PCGF3: variants seen among roughly 807,000 people sequenced by gnomAD.
PCGF3 encodes polycomb group RING finger protein 3.
A neutral mutation model predicts 33.1 loss-of-function variants in PCGF3; 7 were observed. The observed-to-expected ratio is 0.21, with a 90% CI of 0.12 to 0.40. The LOEUF (loss-of-function observed/expected upper bound fraction) is 0.40, where lower values mean the gene tolerates loss of function less well. Ranked by LOEUF, PCGF3 falls within the 10% of genes least tolerant of loss-of-function variation. The pLI, the probability that PCGF3 is intolerant of heterozygous loss-of-function variation, is 1.00. For missense variants in PCGF3, 211 were observed against 313.3 expected (o/e 0.67, Z 2.46); for synonymous variants, 153 against 121.3 (o/e 1.26, Z -1.72).
chr4:720,064 A>C lies in PCGF3; in HGVS notation c.-189-10566A>C, dbSNP rs551697404. Among the ~76,000 whole-genome samples the C allele has an allele frequency of 9.2e-5, 14 of 152,322 alleles. No individual in the cohort carries two copies. Among genetic ancestry groups the C allele is most frequent in the Admixed American group, 3.9e-4 (6 of 15,310 alleles). On this transcript the variant is annotated intron_variant, in intron 1 of 10. Transcript: ENST00000362003. This position sits in a 1 kb window ranked among gnomAD's most constrained non-coding sequence, Gnocchi z 5.6. ...GAAAATAAATGAAAACAGGTTTTGC[A>C]GAGCCCGTTGGTGAAGGCAGGGGTG...
chr4:727,231 G>GTGTTTTTT (rs1276834611), intron 1 of PCGF3, among the ~76,000 whole-genome samples: 1 of 93,894 alleles, frequency 1.1e-5, no homozygotes, highest in Admixed American at 1.2e-4. Context: ...GTTAGCGAGC[G>GTGTTTTTT]TCTTTTTTTT....
At position 720,160 on chromosome 4, in the gene PCGF3, C is replaced by T. The variant is rs537360685; in HGVS notation, c.-189-10470C>T. ...TGGACGTGCTGTCGCCTCATGAGGACGCCGATGTGGCCCTGCTGCCGGAGT... is the reference window on the plus strand; with the variant it reads ...TGGACGTGCTGTCGCCTCATGAGGATGCCGATGTGGCCCTGCTGCCGGAGT... On this transcript the variant is annotated intron_variant, in intron 1 of 10. Coordinates refer to ENST00000362003, the Ensembl canonical transcript of PCGF3. This position sits in a 1 kb window ranked among gnomAD's most constrained non-coding sequence, Gnocchi z 5.6. Among the ~76,000 whole-genome samples, 3 of 152,282 alleles carry T rather than the reference C, an allele frequency of 2.0e-5. No homozygotes were observed. The highest frequency in any genetic ancestry group is 2.9e-5 in the Non-Finnish European group (2 of 68,024).
At chr4:741,963 A>G (rs17777946) in intron 6 of PCGF3, among the ~76,000 whole-genome samples, 4,562 of 152,180 alleles carry the variant, frequency 0.03, 130 homozygotes, top group South Asian at 0.09. Flanking sequence ...GCAGGCCTCC[A>G]TTCCAGCTGC....
intron 3 of PCGF3, among the ~76,000 whole-genome samples, chr4:732,709 C>T (rs1348449189): frequency 6.6e-6 from 1 of 152,200 alleles, no homozygotes; most frequent in African/African-American, 2.4e-5. Flanking sequence ...TGGTGTCACG[C>T]ATGCAGCAGT....
intron 8 of PCGF3, among the ~76,000 whole-genome samples, chr4:760,576 T>C (rs1301869690): frequency 2.6e-5 from 4 of 152,248 alleles, no homozygotes; most frequent in African/African-American, 7.2e-5. Flanking sequence ...TAACCCCCTG[T>C]CCATTCTTCC....
intron 9 of PCGF3, 84 bp from the exon 10 acceptor site, chr4:764,900 C>A: frequency 1.1e-6 from 1 of 891,190 alleles, no homozygotes; most frequent in Non-Finnish European, 1.9e-6. Flanking sequence ...GGAGGGGCTG[C>A]AGATTTCATA....
rs543757986 is a variant in PCGF3, at chr4:724,549, G to A, written c.-189-6081G>A. On this transcript the variant is annotated intron_variant, in intron 1 of 10. Coordinates refer to ENST00000362003, the Ensembl canonical transcript of PCGF3. Reference sequence around the variant, plus strand: ...GTTTTGTTAGAAATTATTCTTGGCCGGGCACGGTGGCTCACATCTGTAATC... The same window carrying A: ...GTTTTGTTAGAAATTATTCTTGGCCAGGCACGGTGGCTCACATCTGTAATC... 5.3e-5 allele frequency among the ~76,000 whole-genome samples: 8 copies of A among 152,272 alleles called. No homozygotes were observed. In the South Asian group the frequency reaches 1.2e-3, roughly 24 times the overall value.
intron 8 of PCGF3, 77 bp from the exon 9 acceptor site, chr4:761,202 A>C: frequency 7.9e-7 from 1 of 1,270,908 alleles, no homozygotes; most frequent in Non-Finnish European, 1.1e-6. Flanking sequence ...GGAATTAGTG[A>C]AATATGTCTA....
chr4:754,184 C>G (rs1333507641), intron 8 of PCGF3, among the ~76,000 whole-genome samples: 1 of 152,220 alleles, frequency 6.6e-6, no homozygotes, highest in Non-Finnish European at 1.5e-5. Context: ...CTCCTATACC[C>G]TGAGCAGGCT....
chr4:722,608 G>A (rs930206754), intron 1 of PCGF3, among the ~76,000 whole-genome samples: 1 of 128,674 alleles, frequency 7.8e-6, no homozygotes, highest in Non-Finnish European at 1.6e-5. Context: ...GCCCGTCCGC[G>A]CCGGGTCCAC....
chr4:744,160 C>T (rs1744214061), intron 7 of PCGF3, among the ~76,000 whole-genome samples: 1 of 152,208 alleles, frequency 6.6e-6, no homozygotes, highest in Non-Finnish European at 1.5e-5. Context: ...GGAAGCGAGT[C>T]TGGGAACCAA....
intron 8 of PCGF3, among the ~76,000 whole-genome samples, chr4:754,845 C>T (rs1744697909): frequency 6.6e-6 from 1 of 152,200 alleles, no homozygotes; most frequent in Admixed American, 6.5e-5. Context: ...GGCGTCTGAG[C>T]CAGAGGCCCA....
chr4:735,129 C>A, intron 5 of PCGF3, 102 bp downstream of exon 5: 1 of 1,314,918 alleles, frequency 7.6e-7, no homozygotes, highest in Non-Finnish European at 1.0e-6. Context: ...TCCCATCCTG[C>A]CTTGGCAGCA....
intron 9 of PCGF3, chr4:762,151 G>A (rs1465323197): frequency 1.1e-6 from 1 of 883,814 alleles, no homozygotes; most frequent in East Asian, 1.2e-4. Flanking sequence ...AACCCCCAGA[G>A]CCTGCAAATG....
intron 8 of PCGF3, among the ~76,000 whole-genome samples, chr4:759,939 G>A (rs1265751861): frequency 2.0e-5 from 3 of 149,240 alleles, no homozygotes; most frequent in African/African-American, 7.4e-5. Flanking sequence ...CCGGACTCCG[G>A]GTCTTTCTCC....
intron 9 of PCGF3, 116 bp from the exon 10 acceptor site, chr4:764,868 A>C: frequency 4.4e-6 from 3 of 676,354 alleles, no homozygotes; most frequent in Non-Finnish European, 8.1e-6. Flanking sequence ...CCCCATCTCT[A>C]GGCACGTTCT....
rs1419871104 is a variant in PCGF3, at chr4:707,591, GT to G, written c.-190+1622del. Among the ~76,000 whole-genome samples the G allele has an allele frequency of 4.5e-4, 50 of 109,964 alleles. 7 individuals are homozygous for G. The highest frequency in any genetic ancestry group is 1.3e-3 in the African/African-American group (43 of 32,622). 72.1% of individuals were successfully genotyped at this position (109,964 alleles called of 152,430 possible). On this transcript the variant is annotated intron_variant, in intron 1 of 10. Transcript: ENST00000362003. ...GGGACAGCTCTGTTTTCCCCTGGGG[GT>G]CGGGACTCTGGGACAGCTCTGTTTT...
At chr4:724,066 G>A (rs1282627144) in intron 1 of PCGF3, 2 of 152,324 alleles carry the variant, frequency 1.3e-5, no homozygotes, top group African/African-American at 2.4e-5. Flanking sequence ...AACAGTCAAG[G>A]AATGTTCGGG....
chr4:730,464 C>G (rs1054515970), intron 1 of PCGF3, among the ~76,000 whole-genome samples, 166 bp from the exon 2 acceptor site: 1 of 152,156 alleles, frequency 6.6e-6, no homozygotes, highest in Non-Finnish European at 1.5e-5. Context: ...GAGACCAGCC[C>G]GTGTCTCCCG....
Sources: allele counts gnomAD v4.1 joint callset (sites outside exome capture counted in the v4.1 genomes callset), GRCh38; gene constraint gnomAD v4.1.1; non-coding constraint Gnocchi (gnomAD v3.1); transcripts MANE v1.5; gene names NCBI Gene and HGNC (gene_info 2026-07-23, HGNC 2026-07-21).